Variants in DMD observed in about 807,000 individuals in gnomAD.
DMD encodes dystrophin.
In DMD, 63 loss-of-function variants were observed where a neutral mutation model predicts 330.1. That is an observed-to-expected ratio of 0.19 (90% CI 0.16 to 0.24). The LOEUF (loss-of-function observed/expected upper bound fraction) is 0.24, where lower values mean the gene tolerates loss of function less well. Ranked by LOEUF, DMD falls within the 10% of genes least tolerant of loss-of-function variation. The pLI is 1.00. For missense variants in DMD, 3,344 were observed against 2,684.1 expected (o/e 1.25, Z -5.43); for synonymous variants, 1,223 against 959.8 (o/e 1.27, Z -5.07).
chrX:31,138,141 C>T (rs897219216), intron 76 of DMD, among the ~76,000 whole-genome samples: 8 of 111,389 alleles, frequency 7.2e-5, no homozygotes, highest in African/African-American at 2.0e-4. Context: ...TGGGGTTGCC[C>T]GCTTGTGTTT....
chrX:32,929,052 C>T (rs781277651), intron 2 of DMD, among the ~76,000 whole-genome samples: 7 of 110,914 alleles, frequency 6.3e-5, no homozygotes, highest in South Asian at 3.9e-4. Context: ...CAAAAATAAG[C>T]GACTTCAGGG....
At chrX:33,257,591 T>C (rs2052879648) in intron 1 of DMD, among the ~76,000 whole-genome samples, 1 of 111,354 alleles carries the variant, frequency 9.0e-6, no homozygotes, top group Non-Finnish European at 1.9e-5. Flanking sequence ...GTTTTATTAA[T>C]ACTTGGAAAT....
chrX:31,596,916 C>G (rs945429516), intron 55 of DMD, among the ~76,000 whole-genome samples: 1 of 112,221 alleles, frequency 8.9e-6, no homozygotes, highest in Non-Finnish European at 1.9e-5. Context: ...GCTAAGTAAT[C>G]TATGTTTTAA....
At chrX:32,170,450 C>T (rs1390065267) in intron 44 of DMD, among the ~76,000 whole-genome samples, 1 of 107,878 alleles carries the variant, frequency 9.3e-6, no homozygotes, top group African/African-American at 3.4e-5. Flanking sequence ...CCAACCCGGG[C>T]AACAGAGCGA....
chrX:32,544,718 C>T (rs759630227), intron 17 of DMD, among the ~76,000 whole-genome samples: 3 of 110,240 alleles, frequency 2.7e-5, no homozygotes, highest in East Asian at 2.8e-4. Context: ...ATCATGTTCT[C>T]GTAAACTACC....
At chrX:33,251,847 T>C (rs1174292793) in intron 1 of DMD, among the ~76,000 whole-genome samples, 2 of 110,826 alleles carry the variant, frequency 1.8e-5, no homozygotes, top group Non-Finnish European at 3.8e-5. Context: ...ATAAGGAAAA[T>C]ATGTTTAGTT....
At chrX:33,300,193 T>C (rs1461212726) in intron 1 of DMD, among the ~76,000 whole-genome samples, 2 of 112,397 alleles carry the variant, frequency 1.8e-5, no homozygotes, top group Non-Finnish European at 3.8e-5. Flanking sequence ...CCTGAAACTA[T>C]CCAGTATTTT....
chrX:31,390,649 T>G (rs2060644021), intron 60 of DMD, among the ~76,000 whole-genome samples: 2 of 111,245 alleles, frequency 1.8e-5, no homozygotes, highest in Non-Finnish European at 3.8e-5. Context: ...CGAAAATACA[T>G]CTCAAATCTG....
chrX:32,452,910 C>T (rs2098340185), intron 26 of DMD, among the ~76,000 whole-genome samples: 1 of 110,852 alleles, frequency 9.0e-6, no homozygotes, highest in African/African-American at 3.3e-5. Flanking sequence ...TTTCTCTTCC[C>T]AATTAGCTTC....
rs200540950 is a variant in DMD, at chrX:33,174,034, CAAAA to C, written c.31+37244_31+37247del. Among the ~76,000 whole-genome samples the C allele has an allele frequency of 0.013, 665 of 52,770 alleles. 8 individuals carry two copies. The highest frequency in any genetic ancestry group is 0.03 in the African/African-American group (539 of 18,057). 45.8% of individuals were successfully genotyped at this position (52,770 alleles called of 115,157 possible). A position where few individuals can be genotyped will look rare whatever the true frequency, so the allele number is the denominator to read the frequency against. On this transcript the variant is annotated intron_variant, in intron 1 of 78. Transcript: ENST00000357033. ...TGTATCTATATAAGATTGGTAACTA[CAAAA>C]AAAAAAAAAAAAAAAAGAATCCCCA...
intron 7 of DMD, among the ~76,000 whole-genome samples, chrX:32,724,445 G>C (rs1305437692): frequency 1.8e-5 from 2 of 111,463 alleles, no homozygotes; most frequent in Non-Finnish European, 1.9e-5. Flanking sequence ...AATGGTTATT[G>C]ACCATATGTA....
chrX:31,196,485 G>A (rs763034552), intron 67 of DMD, among the ~76,000 whole-genome samples: 1 of 111,087 alleles, frequency 9.0e-6, no homozygotes, highest in Non-Finnish European at 1.9e-5. Flanking sequence ...AAACCTAAGT[G>A]AAGGAGGGTT....
intron 16 of DMD, among the ~76,000 whole-genome samples, chrX:32,556,342 G>C (rs752182195): frequency 1.8e-5 from 2 of 110,947 alleles, no homozygotes; most frequent in South Asian, 7.8e-4. Context: ...GTGGAGAAAA[G>C]GGAACACTTT....
In DMD at chrX:31,417,315, C is replaced by T. The variant is rs1489265993; in HGVS notation, c.9084+27166G>A. Among the ~76,000 whole-genome samples the T allele has an allele frequency of 4.7e-5, 5 of 107,079 alleles. No individual in the cohort carries two copies. In the Admixed American group the frequency reaches 5.1e-4, roughly 11 times the overall value. 93.0% of individuals were successfully genotyped at this position (107,079 alleles called of 115,157 possible). On this transcript the variant is annotated intron_variant, in intron 60 of 78. Transcript: ENST00000357033. ...TCTTTTTTTTCTTTTTTTTTTGAGA[C>T]GGAGTCTCGCTCTGTCGCCAGGCTG...
chrX:31,162,309 T>C (rs774123253), intron 74 of DMD, among the ~76,000 whole-genome samples: 11 of 83,500 alleles, frequency 1.3e-4, no homozygotes, highest in East Asian at 1.2e-3. Context: ...AGAGGGACAA[T>C]TGGCAAATGA....
At chrX:31,788,423 C>T (rs1021741436) in intron 50 of DMD, among the ~76,000 whole-genome samples, 1 of 111,675 alleles carries the variant, frequency 9.0e-6, no homozygotes, top group Non-Finnish European at 1.9e-5. Flanking sequence ...TCCATGATGG[C>T]GTTGTTTTAC....
At chrX:32,253,964 A>G (rs374764882) in intron 43 of DMD, among the ~76,000 whole-genome samples, 49 of 110,882 alleles carry the variant, frequency 4.4e-4, no homozygotes, top group African/African-American at 9.8e-4. Context: ...GGGCATCACT[A>G]TCGTTCATCC....
intron 55 of DMD, among the ~76,000 whole-genome samples, chrX:31,566,653 T>C (rs939599249): frequency 8.9e-6 from 1 of 111,826 alleles, no homozygotes; most frequent in Non-Finnish European, 1.9e-5. Flanking sequence ...AAGATTTTGA[T>C]AGAAACTAAA....
intron 47 of DMD, among the ~76,000 whole-genome samples, chrX:31,910,876 C>CAGA (rs1339216992): frequency 8.9e-6 from 1 of 112,107 alleles, no homozygotes; most frequent in African/African-American, 3.2e-5. Flanking sequence ...GAGAAAATAT[C>CAGA]AGAAGATTTC....
Sources: allele counts gnomAD v4.1 joint callset (sites outside exome capture counted in the v4.1 genomes callset), GRCh38; gene constraint gnomAD v4.1.1; transcripts MANE v1.5; gene names NCBI Gene and HGNC (gene_info 2026-07-23, HGNC 2026-07-21).